DBT: variants seen among roughly 807,000 people sequenced by gnomAD.
The protein encoded by DBT is dihydrolipoamide branched chain transacylase E2.
Under a neutral mutation model 51.3 loss-of-function variants are expected in DBT, and 40 were observed. That is an observed-to-expected ratio of 0.78 (90% confidence interval 0.61 to 1.02). The LOEUF (loss-of-function observed/expected upper bound fraction) is 1.02, where lower values mean the gene tolerates loss of function less well. Ranked by LOEUF, DBT falls within the 50% of genes least tolerant of loss-of-function variation. The pLI is 0.00. For missense variants in DBT, 510 were observed against 580.2 expected (o/e 0.88, Z 1.24); for synonymous variants, 181 against 190.4 (o/e 0.95, Z 0.41).
intron 3 of DBT, among the ~76,000 whole-genome samples, chr1:100,231,847 T>C (rs1467305801): frequency 1.3e-5 from 2 of 152,214 alleles, no homozygotes; most frequent in East Asian, 1.9e-4. Flanking sequence ...TTGAGTTTTG[T>C]AGTATTTTAA....
chr1:100,227,572 C>T (rs1663295449), intron 4 of DBT, among the ~76,000 whole-genome samples: 1 of 152,110 alleles, frequency 6.6e-6, no homozygotes, highest in Admixed American at 6.6e-5. Context: ...TATATTAGAA[C>T]CTACTTATTT....
chr1:100,213,541 C>CG (rs890106034), intron 7 of DBT: 2 of 1,561,328 alleles, frequency 1.3e-6, no homozygotes, highest in Admixed American at 1.7e-5. Context: ...TCTGCAGGGT[C>CG]GGGGGGCTGC....
intron 10 of DBT, among the ~76,000 whole-genome samples, chr1:100,198,423 C>T (rs1661230640): frequency 6.6e-6 from 1 of 152,104 alleles, no homozygotes; most frequent in Admixed American, 6.6e-5. Flanking sequence ...GTGATGGTGG[C>T]AAACAATGTA....
At chr1:100,200,457 G>C (rs752900487) in intron 10 of DBT, among the ~76,000 whole-genome samples, 11 of 152,224 alleles carry the variant, frequency 7.2e-5, no homozygotes, top group Non-Finnish European at 1.6e-4. Flanking sequence ...GCACCTGGGG[G>C]AAGGGGTGGC....
At position 100,193,162 on chromosome 1, in the gene DBT, G is replaced by A. The variant is rs1248742881; in HGVS notation, c.*3093C>T. The A allele has an allele frequency of 6.6e-6, 1 of 152,212 alleles. No homozygotes were observed. The highest frequency in any genetic ancestry group is 1.5e-5 in the Non-Finnish European group (1 of 68,042). The allele number at this position is 152,212 out of a possible 1,614,324, so 9.4% of individuals were successfully genotyped here. A position where few individuals can be genotyped will look rare whatever the true frequency, so the allele number is the denominator to read the frequency against. On this transcript the variant is annotated 3_prime_UTR_variant, in exon 11 of 11. Transcript: ENST00000370132. ...ATACCCAAGGGTTGGAATAGAACCA[G>A]ATAACTTAAGGGTTATTTGGGAATA...
chr1:100,243,971 G>A (rs1052865501), intron 1 of DBT, among the ~76,000 whole-genome samples: 1 of 144,540 alleles, frequency 6.9e-6, no homozygotes, highest in Non-Finnish European at 1.5e-5. Context: ...TAGGCAGTAC[G>A]TGATAAAGGA....
intron 10 of DBT, among the ~76,000 whole-genome samples, chr1:100,203,458 A>G (rs1661571373): frequency 6.6e-6 from 1 of 152,252 alleles, no homozygotes; most frequent in Non-Finnish European, 1.5e-5. Context: ...GTAGTAATTA[A>G]TAGCCTACCA....
chr1:100,188,537 T>C lies in DBT; in HGVS notation c.*7718A>G, dbSNP rs927475869. ...TGGCTCTTCTCGGGGTGTAGATGAGTGGGGGCACTTACATTGCCCGTTGGA... is the reference window on the plus strand; with the variant it reads ...TGGCTCTTCTCGGGGTGTAGATGAGCGGGGGCACTTACATTGCCCGTTGGA... On this transcript the variant is annotated 3_prime_UTR_variant, in exon 11 of 11. Coordinates refer to ENST00000370132, the MANE Select transcript of DBT (RefSeq NM_001918.5). 1.3e-4 allele frequency: 20 copies of C among 149,180 alleles called. No homozygotes were observed. The highest frequency in any genetic ancestry group is 5.0e-4 in the African/African-American group (20 of 40,400). The allele number at this position is 149,180 out of a possible 1,614,324, so 9.2% of individuals were successfully genotyped here.
At chr1:100,230,503 C>A (rs1248791238) in intron 4 of DBT, among the ~76,000 whole-genome samples, 1 of 152,042 alleles carries the variant, frequency 6.6e-6, no homozygotes, top group Non-Finnish European at 1.5e-5. Flanking sequence ...TTGCTATTGC[C>A]TTTTCCCCCC....
chr1:100,210,845 G>A lies in DBT; in HGVS notation c.940-74C>T. 3.8e-6 allele frequency: 6 copies of A among 1,590,600 alleles called. No homozygotes were observed. In the South Asian group the frequency reaches 5.6e-5, roughly 15 times the overall value. ...GATAGAGAATTTGAAACAATAAGAG[G>A]TATAAAAGGAGGGAGAGAGAGAACT... On this transcript the variant is annotated intron_variant, in intron 7 of 10. Coordinates refer to ENST00000370132, the MANE Select transcript of DBT (RefSeq NM_001918.5).
intron 1 of DBT, among the ~76,000 whole-genome samples, chr1:100,241,931 G>T (rs1270327721): frequency 6.6e-6 from 1 of 151,986 alleles, no homozygotes; most frequent in Non-Finnish European, 1.5e-5. Flanking sequence ...TGAGGCAGGA[G>T]AATCGCTTGA....
At chr1:100,212,117 AAT>A (rs1299206550) in intron 7 of DBT, among the ~76,000 whole-genome samples, 2 of 152,174 alleles carry the variant, frequency 1.3e-5, no homozygotes, top group Non-Finnish European at 2.9e-5. Flanking sequence ...CTGTAATTTT[AAT>A]AGTCTTTATC....
intron 2 of DBT, among the ~76,000 whole-genome samples, chr1:100,237,384 T>C (rs1663934667): frequency 6.6e-6 from 1 of 152,202 alleles, no homozygotes; most frequent in African/African-American, 2.4e-5. Context: ...CCAGCCAACC[T>C]GCAGAATCCT....
At position 100,192,511 on chromosome 1, in the gene DBT, T is replaced by G. The variant is rs1660859222; in HGVS notation, c.*3744A>C. The G allele has an allele frequency of 6.6e-6, 1 of 152,238 alleles. No individual in the cohort carries two copies. The highest frequency in any genetic ancestry group is 1.5e-5 in the Non-Finnish European group (1 of 68,038). 9.4% of individuals were successfully genotyped at this position (152,238 alleles called of 1,614,324 possible). ...AGTGCTGAGCCCTGTCATTTCTTTC[T>G]TAAACCATAGTTTACTTAGAAATCA... On this transcript the variant is annotated 3_prime_UTR_variant, in exon 11 of 11. Coordinates refer to ENST00000370132, the MANE Select transcript of DBT (RefSeq NM_001918.5).
intron 3 of DBT, among the ~76,000 whole-genome samples, chr1:100,233,306 CA>C (rs1663650833): frequency 6.6e-6 from 1 of 152,094 alleles, no homozygotes; most frequent in Non-Finnish European, 1.5e-5. Flanking sequence ...AGAAGTTTGT[CA>C]AAGGATTTGT....
intron 7 of DBT, among the ~76,000 whole-genome samples, chr1:100,211,744 G>C (rs1201701278): frequency 1.3e-5 from 2 of 152,062 alleles, no homozygotes; most frequent in African/African-American, 4.8e-5. Context: ...GAACTGCTAC[G>C]AGTTCCTTAA....
intron 1 of DBT, among the ~76,000 whole-genome samples, chr1:100,245,819 G>T (rs941530781): frequency 6.6e-6 from 1 of 152,112 alleles, no homozygotes; most frequent in Admixed American, 6.5e-5. Context: ...GGCTGTGGTG[G>T]TGAATGCCTG....
At chr1:100,248,916 A>C (rs1329967196) in intron 1 of DBT, 3 of 176,646 alleles carry the variant, frequency 1.7e-5, no homozygotes, top group African/African-American at 7.2e-5. Flanking sequence ...GCTGGGTTGT[A>C]ATTTCTATCT....
In DBT at chr1:100,193,148, T is replaced by C. The variant is rs1478347557; in HGVS notation, c.*3107A>G. The C allele has an allele frequency of 6.6e-6, 1 of 152,248 alleles. No individual in the cohort carries two copies. The highest frequency in any genetic ancestry group is 1.9e-4 in the East Asian group (1 of 5,206). 9.4% of individuals were successfully genotyped at this position (152,248 alleles called of 1,614,324 possible). A position where few individuals can be genotyped will look rare whatever the true frequency, so the allele number is the denominator to read the frequency against. ...AAGAGAAGATAGTAATACCCAAGGG[T>C]TGGAATAGAACCAGATAACTTAAGG... On this transcript the variant is annotated 3_prime_UTR_variant, in exon 11 of 11. Transcript: ENST00000370132.
Sources: allele counts gnomAD v4.1 joint callset (sites outside exome capture counted in the v4.1 genomes callset), GRCh38; gene constraint gnomAD v4.1.1; transcripts MANE v1.5; gene names NCBI Gene and HGNC (gene_info 2026-07-23, HGNC 2026-07-21).